KIF26B: variants seen among roughly 807,000 people sequenced by gnomAD.
KIF26B encodes kinesin-like protein KIF26B.
KIF26B carries 63 observed loss-of-function variants against 151.2 expected under a neutral mutation model. The ratio of observed to expected loss-of-function variants is 0.42; its 90% confidence interval spans 0.34 to 0.51. KIF26B has a LOEUF of 0.51. Ranked by LOEUF, KIF26B falls within the 20% of genes least tolerant of loss-of-function variation. The pLI, the probability that KIF26B is intolerant of heterozygous loss-of-function variation, is 0.07. For synonymous variants in KIF26B, 1,357 were observed against 1,262.1 expected (o/e 1.08, Z -1.59); for missense variants, 2,813 against 2,913.6 (o/e 0.97, Z 0.79).
rs145235147 is a variant in KIF26B, at chr1:245,588,814, GA to G, written c.1351-13762del. On this transcript the variant is annotated intron_variant, in intron 5 of 14. Coordinates refer to ENST00000407071, the MANE Select transcript of KIF26B (RefSeq NM_018012.4). ...AACACATGCTGAGTGGAATTGAACAGATGCAGTCCTGGGAAAGGGGGCCTTT... is the reference window on the plus strand; with the variant it reads ...AACACATGCTGAGTGGAATTGAACAGTGCAGTCCTGGGAAAGGGGGCCTTT... Among the ~76,000 whole-genome samples the G allele has an allele frequency of 2.8e-4, 42 of 152,306 alleles. No individual in the cohort carries two copies. The East Asian group carries it at 6.6e-3, about 24-fold the overall frequency.
chr1:245,413,588 G>A (rs760934900), intron 3 of KIF26B, among the ~76,000 whole-genome samples: 38 of 152,310 alleles, frequency 2.5e-4, no homozygotes, highest in African/African-American at 5.1e-4. Context: ...GCTTGAACCC[G>A]GAAGGCGGAG....
intron 2 of KIF26B, among the ~76,000 whole-genome samples, chr1:245,217,026 C>T (rs539180605): frequency 2.0e-5 from 3 of 152,306 alleles, no homozygotes; most frequent in African/African-American, 7.2e-5. Context: ...CTGACCCAGC[C>T]TCAGAGGCAT....
At position 245,702,200 on chromosome 1, in the gene KIF26B, G is replaced by C. The variant is rs1386068134; in HGVS notation, c.6179-258G>C. ...GATCCTCCATGGCTGGAGGTAGGGGGAGCTAGAATGTCACCTTATTGGTCA... is the reference window on the plus strand; with the variant it reads ...GATCCTCCATGGCTGGAGGTAGGGGCAGCTAGAATGTCACCTTATTGGTCA... On this transcript the variant is annotated intron_variant, in intron 14 of 14. Coordinates refer to ENST00000407071, the MANE Select transcript of KIF26B (RefSeq NM_018012.4). The surrounding 1 kb of genome is among the most constrained non-coding windows in gnomAD (Gnocchi z 4.1). Among the ~76,000 whole-genome samples the C allele has an allele frequency of 6.6e-6, 1 of 152,178 alleles. No homozygotes were observed. The highest frequency in any genetic ancestry group is 2.4e-5 in the African/African-American group (1 of 41,440).
chr1:245,172,456 G>A (rs561677545), intron 2 of KIF26B, among the ~76,000 whole-genome samples: 30 of 152,140 alleles, frequency 2.0e-4, no homozygotes, highest in Non-Finnish European at 3.7e-4. Flanking sequence ...GACCAGAAAC[G>A]GCCTTGAGGG....
chr1:245,554,892 C>T (rs1016711882), intron 5 of KIF26B, among the ~76,000 whole-genome samples: 1 of 152,184 alleles, frequency 6.6e-6, no homozygotes, highest in Non-Finnish European at 1.5e-5. Flanking sequence ...AAAGACCTCA[C>T]GCATCCTTTG....
chr1:245,683,900 T>C (rs2044472114), intron 10 of KIF26B, among the ~76,000 whole-genome samples: 1 of 152,150 alleles, frequency 6.6e-6, no homozygotes. Context: ...ACAGAGCCCT[T>C]TCTCCTGATC....
chr1:245,574,431 A>C (rs938235213), intron 5 of KIF26B, among the ~76,000 whole-genome samples: 2 of 152,174 alleles, frequency 1.3e-5, no homozygotes, highest in Non-Finnish European at 2.9e-5. Flanking sequence ...GGTGTGAGCC[A>C]CCATGCCTGA....
At chr1:245,261,551 C>A (rs939783081) in intron 2 of KIF26B, among the ~76,000 whole-genome samples, 1 of 145,436 alleles carries the variant, frequency 6.9e-6, no homozygotes, top group South Asian at 2.4e-4. Flanking sequence ...CTCTCTCCCT[C>A]CCTCCGTCTG....
chr1:245,579,805 G>A (rs1359713058), intron 5 of KIF26B, among the ~76,000 whole-genome samples: 7 of 150,766 alleles, frequency 4.6e-5, no homozygotes, highest in South Asian at 2.1e-4. Context: ...CCGAGATTGC[G>A]CCATTGCACT....
intron 5 of KIF26B, among the ~76,000 whole-genome samples, chr1:245,600,592 C>G (rs151088581): frequency 6.6e-6 from 1 of 150,856 alleles, no homozygotes; most frequent in Non-Finnish European, 1.5e-5. Flanking sequence ...GCTGGGCATT[C>G]AATTCCTAGA....
intron 5 of KIF26B, among the ~76,000 whole-genome samples, chr1:245,570,415 C>T (rs1229712924): frequency 1.3e-5 from 2 of 152,146 alleles, no homozygotes; most frequent in East Asian, 1.9e-4. Context: ...CTGTCTTTTT[C>T]TCATCACATC....
At chr1:245,674,965 C>A (rs76960183) in intron 10 of KIF26B, among the ~76,000 whole-genome samples, 2,933 of 152,262 alleles carry the variant, frequency 0.019, 102 homozygotes, top group African/African-American at 0.066. Context: ...CGTGTGACAA[C>A]TGCATGTTTG....
intron 2 of KIF26B, among the ~76,000 whole-genome samples, chr1:245,285,709 G>A (rs1473988459): frequency 2.0e-5 from 3 of 151,572 alleles, no homozygotes; most frequent in African/African-American, 4.8e-5. Flanking sequence ...CTGGGAGGCC[G>A]AGGAGGGAGG....
Position 245,155,463 on chromosome 1 carries a change from C to T in KIF26B, c.39C>T (p.Val13=). 6.2e-7 allele frequency: 1 copy of T among 1,612,042 alleles called. No homozygotes were observed. Among genetic ancestry groups the T allele is most frequent in the Non-Finnish European group, 8.5e-7 (1 of 1,179,010 alleles). ...SVAGNKERLA[V]STRGKKYGVN... ...CTGGGAATAAAGAGAGGCTTGCGGT[C>T]TCCACCAGGGGCAAGAAATACGGGG... Residue 13 remains valine (V), a synonymous_variant, in exon 1 of 15, where the codon GTC becomes GTT. Transcript: ENST00000407071.
At chr1:245,330,985 A>G (rs1377031113) in intron 2 of KIF26B, among the ~76,000 whole-genome samples, 1 of 151,982 alleles carries the variant, frequency 6.6e-6, no homozygotes, top group Non-Finnish European at 1.5e-5. Flanking sequence ...GGGCGGTTAG[A>G]GATTCTGGAG....
intron 3 of KIF26B, among the ~76,000 whole-genome samples, chr1:245,378,060 A>G (rs971148084): frequency 6.6e-6 from 1 of 152,200 alleles, no homozygotes; most frequent in African/African-American, 2.4e-5. Flanking sequence ...ACATAAATGT[A>G]AACAGCACCT....
intron 4 of KIF26B, among the ~76,000 whole-genome samples, chr1:245,468,243 A>G (rs796307181): frequency 1.2e-4 from 18 of 152,336 alleles, no homozygotes; most frequent in African/African-American, 3.8e-4. Flanking sequence ...TCTTAGATGG[A>G]AAACACAACA....
At chr1:245,482,661 C>T in intron 4 of KIF26B, among the ~76,000 whole-genome samples, 1 of 151,694 alleles carries the variant, frequency 6.6e-6, no homozygotes, top group East Asian at 1.9e-4. Context: ...GGAAGGGGCC[C>T]ATGGAGGACT....
At chr1:245,301,779 T>C (rs747940512) in intron 2 of KIF26B, among the ~76,000 whole-genome samples, 24 of 152,224 alleles carry the variant, frequency 1.6e-4, no homozygotes, top group African/African-American at 3.6e-4. Context: ...AAAAGCTCAA[T>C]TGGATCTCAA....
Sources: gnomAD v4.1 joint callset for allele counts (sites outside exome capture counted in the v4.1 genomes callset) on GRCh38, gnomAD v4.1.1 for gene constraint, Gnocchi (gnomAD v3.1) non-coding constraint, MANE v1.5 for transcripts, NCBI Gene and HGNC (gene_info 2026-07-23, HGNC 2026-07-21) for gene names.